CTSE: variants seen among roughly 807,000 people sequenced by gnomAD.
CTSE encodes the protein erythrocyte membrane aspartic proteinase.
CTSE carries 43 observed loss-of-function variants against 42.8 expected under a neutral mutation model. The observed-to-expected ratio is 1.01, with a 90% CI of 0.79 to 1.30. The LOEUF (loss-of-function observed/expected upper bound fraction) is 1.30, where lower values mean the gene tolerates loss of function less well. CTSE is among the 50% of genes most tolerant of loss of function. CTSE has a pLI of 0.00. For synonymous variants in CTSE, 205 were observed against 191.5 expected, an observed-to-expected ratio of 1.07 and a Z score of -0.58; for missense variants, 532 against 493.5, an observed-to-expected ratio of 1.08 and a Z score of -0.74.
At position 206,013,770 on chromosome 1, in the gene CTSE, A is replaced by G. The variant is rs144122846; in HGVS notation, c.785+2T>C. 4.2e-4 allele frequency: 676 copies of G among 1,613,464 alleles called. 4 individuals are homozygous for G. The highest frequency in any genetic ancestry group is 4.0e-3 in the African/African-American group (298 of 74,992). Reference sequence around the variant, plus strand: ...TGTCACTACTTCATGGGGAATACTCACTTATCCAGTGCAATCTGCCAGTAA... The same window carrying G: ...TGTCACTACTTCATGGGGAATACTCGCTTATCCAGTGCAATCTGCCAGTAA... On this transcript the variant is annotated splice_donor_variant, in intron 6 of 8. Coordinates refer to ENST00000358184, the MANE Select transcript of CTSE (RefSeq NM_001910.4). LOFTEE classifies it high-confidence loss of function.
chr1:206,013,932 A>G, intron 5 of CTSE, 38 bp from the exon 6 acceptor site: 1 of 1,609,796 alleles, frequency 6.2e-7, no homozygotes, highest in East Asian at 2.2e-5. Flanking sequence ...AGGAAGGGCC[A>G]CTGCAAAACT....
At position 206,012,979 on chromosome 1, in the gene CTSE, C is replaced by T. The variant is rs551378380; in HGVS notation, c.786-330G>A. ...AAAGTCCTGGGATTACAGGTGTGAG[C>T]CACCACACCTGGTCAGGTCAGGATC... On this transcript the variant is annotated intron_variant, in intron 6 of 8. Coordinates refer to ENST00000358184, the MANE Select transcript of CTSE (RefSeq NM_001910.4). 1.3e-5 allele frequency among the ~76,000 whole-genome samples: 2 copies of T among 152,034 alleles called. 1 individual carries two copies. Among genetic ancestry groups the T allele is most frequent in the Non-Finnish European group, 2.9e-5 (2 of 68,004 alleles).
chr1:206,021,443 A>G (rs1571821266), intron 3 of CTSE: 1 of 368,782 alleles, frequency 2.7e-6, no homozygotes, highest in Non-Finnish European at 4.9e-6. Context: ...GTCATTTATC[A>G]GGCGCCAGCC....
chr1:206,023,432 C>T (rs1014970686), intron 1 of CTSE, among the ~76,000 whole-genome samples: 12 of 151,880 alleles, frequency 7.9e-5, no homozygotes, highest in African/African-American at 2.2e-4. Context: ...AGTCCTGGGG[C>T]GCTTTGAGCT....
rs146628750 is a variant in CTSE at position 206,022,250 on chromosome 1, A to G, written c.243T>C (p.Thr81=). 4 of 1,610,328 alleles carry G rather than the reference A, an allele frequency of 2.5e-6. No individual in the cohort carries two copies. Among genetic ancestry groups the G allele is most frequent in the Non-Finnish European group, 3.4e-6 (4 of 1,177,232 alleles). ...INYLDMEYFG[T]ISIGSPPQNF... ...TCTGTGGTGGGGAGCCAATGGAGAT[A>G]GTGCCGAAGTATTCCATCTGCAAGG... The change falls in exon 3 of 9, where the codon ACT becomes ACC. Residue 81 remains threonine, a synonymous_variant. Transcript: ENST00000358184.
At chr1:206,023,659 G>A (rs1253349383) in intron 1 of CTSE, 65 bp downstream of exon 1, 14 of 1,493,384 alleles carry the variant, frequency 9.4e-6, no homozygotes, top group Non-Finnish European at 1.3e-5. Flanking sequence ...TCCTACCCCA[G>A]AGCAGCCCTG....
chr1:206,016,771 TGTTAC>T (rs1251789513), intron 4 of CTSE, among the ~76,000 whole-genome samples: 3 of 152,126 alleles, frequency 2.0e-5, no homozygotes, highest in Admixed American at 6.5e-5. Flanking sequence ...TTTTCTGTTC[TGTTAC>T]ATTTGTTTAT....
chr1:206,016,489 T>C (rs1661269469), intron 4 of CTSE, among the ~76,000 whole-genome samples: 1 of 152,066 alleles, frequency 6.6e-6, no homozygotes, highest in Non-Finnish European at 1.5e-5. Flanking sequence ...TACACTGTTT[T>C]TTTGTAACTT....
intron 3 of CTSE, among the ~76,000 whole-genome samples, chr1:206,021,670 T>A (rs1357741647): frequency 6.6e-6 from 1 of 151,888 alleles, no homozygotes; most frequent in Admixed American, 6.6e-5. Context: ...AACTTCTGAG[T>A]TACCTCTGGA....
Position 206,010,119 on chromosome 1 carries a change from G to T in CTSE, c.*64C>A, listed in dbSNP as rs148088530. On this transcript the variant is annotated 3_prime_UTR_variant, in exon 9 of 9. Transcript: ENST00000358184. ...GAAAATAACTTTTTGTAGGTGTAAA[G>T]AATGCCCCAGCCTAACATATTCAAG... is the stretch of plus-strand genomic sequence containing the variant. 2.3e-4 allele frequency: 367 copies of T among 1,599,642 alleles called. 2 individuals carry two copies. The African/African-American group carries it at 3.8e-3, about 17-fold the overall frequency.
intron 5 of CTSE, chr1:206,014,191 C>CG: frequency 2.9e-6 from 1 of 343,058 alleles, no homozygotes; most frequent in Admixed American, 4.3e-5. Flanking sequence ...GAACCAAGGC[C>CG]AGGACCATCC....
In CTSE at chr1:206,010,286, G is replaced by A. The variant is rs782507073; in HGVS notation, c.1088C>T (p.Pro363Leu). 11 of 1,613,664 alleles carry A rather than the reference G, an allele frequency of 6.8e-6. No homozygotes were observed. The highest frequency in any genetic ancestry group is 5.9e-6 in the Non-Finnish European group (7 of 1,179,832). The change falls in exon 9 of 9, where the codon CCA (proline) becomes CTA (leucine). Residue 363 changes from proline (P) to leucine (L), a missense_variant. Physicochemically the swap from Pro to Leu is moderately conservative, Grantham distance 98. Transcript: ENST00000358184. The part of the protein sequence containing the change: ...SGFQGLDIHP[P>L]AGPLWILGDV... ...CCCCAGGATCCAGAGGGGCCCAGCTGGAGGGTGGATGTCAAGTCCTTGAAA... is the reference window on the plus strand; with the variant it reads ...CCCCAGGATCCAGAGGGGCCCAGCTAGAGGGTGGATGTCAAGTCCTTGAAA...
intron 5 of CTSE, 105 bp from the exon 6 acceptor site, chr1:206,013,999 G>T: frequency 3.2e-6 from 4 of 1,261,986 alleles, no homozygotes; most frequent in South Asian, 2.7e-5. Context: ...CAAGCACACA[G>T]GTAGGCAGAA....
intron 1 of CTSE, among the ~76,000 whole-genome samples, chr1:206,023,266 T>TA (rs1370918248): frequency 6.6e-6 from 1 of 151,874 alleles, no homozygotes; most frequent in East Asian, 1.9e-4. Flanking sequence ...CTTAGAATCT[T>TA]AGAGTGGAAA....
intron 4 of CTSE, among the ~76,000 whole-genome samples, chr1:206,019,198 A>T (rs1392078920): frequency 6.6e-6 from 1 of 152,066 alleles, no homozygotes; most frequent in South Asian, 2.1e-4. Context: ...GATATTGATT[A>T]TATGCAACTG....
At chr1:206,018,722 T>C (rs28765494) in intron 4 of CTSE, among the ~76,000 whole-genome samples, 53,338 of 151,864 alleles carry the variant, frequency 0.35, 9,717 homozygotes, top group African/African-American at 0.37. Flanking sequence ...ACTTTACTAA[T>C]GTTCTCTTTC....
At chr1:206,020,598 T>C (rs1462667061) in intron 4 of CTSE, among the ~76,000 whole-genome samples, 1 of 151,968 alleles carries the variant, frequency 6.6e-6, no homozygotes, top group Non-Finnish European at 1.5e-5. Flanking sequence ...CAGCACTGAG[T>C]TCAGTTTGGA....
At chr1:206,019,183 A>T (rs1324178104) in intron 4 of CTSE, among the ~76,000 whole-genome samples, 1 of 152,086 alleles carries the variant, frequency 6.6e-6, no homozygotes, top group Non-Finnish European at 1.5e-5. Flanking sequence ...AATGATGTGG[A>T]TATAGATATT....
chr1:206,012,279 G>A (rs1553277065), intron 8 of CTSE, 29 bp downstream of exon 8: 2 of 1,576,648 alleles, frequency 1.3e-6, no homozygotes, highest in African/African-American at 2.7e-5. Context: ...AGGGCCCTGT[G>A]GCCTGCAGAA....
Sources: allele counts gnomAD v4.1 joint callset (sites outside exome capture counted in the v4.1 genomes callset), GRCh38; gene constraint gnomAD v4.1.1; transcripts MANE v1.5; gene names NCBI Gene and HGNC (gene_info 2026-07-23, HGNC 2026-07-21).